The following DCC variants were observed in gnomAD, a reference collection of about 807,000 sequenced individuals.
DCC encodes the protein netrin receptor DCC.
Under a neutral mutation model 172.5 loss-of-function variants are expected in DCC, and 58 were observed. The observed-to-expected ratio is 0.34, with a 90% CI of 0.27 to 0.42. DCC has a LOEUF of 0.42. DCC is among the 10% of genes least tolerant of loss of function. The pLI is 1.00. For synonymous variants in DCC, 709 were observed against 644.5 expected, an observed-to-expected ratio of 1.10 and a Z score of -1.52; for missense variants, 1,740 against 1,791.0, an observed-to-expected ratio of 0.97 and a Z score of 0.51.
intron 1 of DCC, among the ~76,000 whole-genome samples, chr18:52,440,519 G>A (rs1363496913): frequency 6.6e-6 from 1 of 152,188 alleles, no homozygotes; most frequent in Non-Finnish European, 1.5e-5. Flanking sequence ...TCTGCTCAGT[G>A]CCCTCAACAA....
chr18:52,978,547 G>A (rs2041159085), intron 5 of DCC, among the ~76,000 whole-genome samples: 1 of 152,146 alleles, frequency 6.6e-6, no homozygotes, highest in Admixed American at 6.5e-5. Context: ...GAAGGTAGCT[G>A]TTATTATCAA....
chr18:52,401,744 A>G (rs1203064093), intron 1 of DCC, among the ~76,000 whole-genome samples: 1 of 152,070 alleles, frequency 6.6e-6, no homozygotes, highest in Non-Finnish European at 1.5e-5. Context: ...CTAGGAAAAG[A>G]ACAAGCTTTT....
At chr18:52,812,581 CAT>C (rs371313341) in intron 2 of DCC, among the ~76,000 whole-genome samples, 45 of 152,270 alleles carry the variant, frequency 3.0e-4, no homozygotes, top group African/African-American at 9.1e-4. Flanking sequence ...TCTTAAAAAA[CAT>C]ATGATTTAGT....
In DCC at chr18:53,397,176, A is replaced by G. The variant is rs1226487675; in HGVS notation, c.2689-132A>G. On this transcript the variant is annotated intron_variant, in intron 17 of 28. Transcript: ENST00000442544. Reference sequence around the variant, plus strand: ...ATAGATGGGAATTCGAGTCAGTGCTATGCTCTACTCCTCTGCTGTTTGGGA... The same window carrying G: ...ATAGATGGGAATTCGAGTCAGTGCTGTGCTCTACTCCTCTGCTGTTTGGGA... The G allele has an allele frequency of 3.8e-6, 3 of 795,376 alleles. No homozygotes were observed. In the Admixed American group the frequency reaches 6.0e-5, roughly 16 times the overall value. The allele number at this position is 795,376 out of a possible 1,614,324, so 49.3% of individuals were successfully genotyped here. A position where few individuals can be genotyped will look rare whatever the true frequency, so the allele number is the denominator to read the frequency against.
At position 53,081,972 on chromosome 18, in the gene DCC, A is replaced by G. The variant is rs906973361; in HGVS notation, c.1261+15806A>G. On this transcript the variant is annotated intron_variant, in intron 7 of 28. Transcript: ENST00000442544. ...TTTGCACAGTCTGTCCCATTTCTCT[A>G]AGGCACCGTAGATGGGGGAGGCCAG... Among the ~76,000 whole-genome samples the G allele has an allele frequency of 2.6e-5, 4 of 152,086 alleles. No individual in the cohort carries two copies. In the South Asian group the frequency reaches 6.2e-4, roughly 24 times the overall value.
intron 28 of DCC, among the ~76,000 whole-genome samples, chr18:53,529,999 G>A (rs545342073): frequency 3.9e-5 from 6 of 152,132 alleles, no homozygotes; most frequent in South Asian, 2.1e-4. Context: ...ATCTCCAGAC[G>A]TTTCATTGGC....
intron 7 of DCC, among the ~76,000 whole-genome samples, chr18:53,091,618 A>G (rs1037454251): frequency 6.6e-6 from 1 of 151,146 alleles, no homozygotes; most frequent in Non-Finnish European, 1.5e-5. Flanking sequence ...GTACGGTGCA[A>G]AGAGAGAGAG....
intron 1 of DCC, among the ~76,000 whole-genome samples, chr18:52,388,432 A>G (rs1338165984): frequency 6.6e-6 from 1 of 152,100 alleles, no homozygotes; most frequent in African/African-American, 2.4e-5. Flanking sequence ...TTTATTATTT[A>G]GGTTCTGCCA....
chr18:52,967,780 A>G (rs1292361778), intron 5 of DCC, among the ~76,000 whole-genome samples: 1 of 152,208 alleles, frequency 6.6e-6, no homozygotes, highest in Non-Finnish European at 1.5e-5. Context: ...GGGAAAATAA[A>G]AATGTAACCC....
intron 2 of DCC, among the ~76,000 whole-genome samples, chr18:52,791,198 A>T (rs1182429402): frequency 6.6e-6 from 1 of 152,164 alleles, no homozygotes. Context: ...TATGATTGCT[A>T]AAAGAGCCGG....
intron 5 of DCC, among the ~76,000 whole-genome samples, chr18:53,044,249 G>A (rs1401713987): frequency 6.6e-6 from 1 of 151,850 alleles, no homozygotes; most frequent in African/African-American, 2.4e-5. Flanking sequence ...GCAAAGGCAA[G>A]ATAGTCTCTT....
intron 2 of DCC, among the ~76,000 whole-genome samples, chr18:52,868,724 C>G (rs2039269028): frequency 1.3e-5 from 2 of 152,220 alleles, no homozygotes; most frequent in African/African-American, 4.8e-5. Flanking sequence ...GCCCATTCAG[C>G]CTGGCAGACA....
chr18:52,509,528 G>A (rs1484131786), intron 1 of DCC, among the ~76,000 whole-genome samples: 3 of 152,172 alleles, frequency 2.0e-5, no homozygotes, highest in Non-Finnish European at 4.4e-5. Context: ...ACTGAGGGAA[G>A]ATTCCCTTTA....
intron 5 of DCC, among the ~76,000 whole-genome samples, chr18:52,933,412 G>T (rs931553702): frequency 1.5e-4 from 22 of 151,554 alleles, no homozygotes; most frequent in East Asian, 1.2e-3. Flanking sequence ...ATGGGGGAGG[G>T]AGTGGTGAGG....
intron 9 of DCC, among the ~76,000 whole-genome samples, chr18:53,194,102 G>T (rs916742057): frequency 6.6e-6 from 1 of 152,150 alleles, no homozygotes; most frequent in Non-Finnish European, 1.5e-5. Context: ...ACTCTGAGTT[G>T]TGCATAAGCT....
Position 52,352,517 on chromosome 18 carries a change from T to C in DCC, c.91+11639T>C, listed in dbSNP as rs537765782. Among the ~76,000 whole-genome samples the C allele has an allele frequency of 2.6e-5, 4 of 152,310 alleles. No individual in the cohort carries two copies. The South Asian group carries it at 8.3e-4, about 32-fold the overall frequency. On this transcript the variant is annotated intron_variant, in intron 1 of 28. Transcript: ENST00000442544. ...GCGTATGACACACTTCCTGTGGATT[T>C]TCCATCCAAACCATCCTCCCCTATT...
intron 1 of DCC, among the ~76,000 whole-genome samples, chr18:52,549,404 G>T (rs2032701856): frequency 6.6e-6 from 1 of 151,882 alleles, no homozygotes; most frequent in Non-Finnish European, 1.5e-5. Context: ...TCTCCTGTCT[G>T]GACACTTACC....
intron 7 of DCC, among the ~76,000 whole-genome samples, chr18:53,143,659 G>A (rs1246994457): frequency 6.6e-6 from 1 of 152,218 alleles, no homozygotes; most frequent in African/African-American, 2.4e-5. Context: ...GTTAGGTTTT[G>A]TAACTCTATC....
chr18:53,181,708 A>G (rs1274865301), intron 9 of DCC, among the ~76,000 whole-genome samples: 2 of 152,334 alleles, frequency 1.3e-5, no homozygotes, highest in East Asian at 3.9e-4. Context: ...GAGGCATGTT[A>G]GAAAAGCATA....
Sources: allele counts gnomAD v4.1 joint callset (sites outside exome capture counted in the v4.1 genomes callset), GRCh38; gene constraint gnomAD v4.1.1; transcripts MANE v1.5; gene names NCBI Gene and HGNC (gene_info 2026-07-23, HGNC 2026-07-21).